Variants in NCAM2 observed in about 807,000 individuals in gnomAD.
NCAM2 encodes the protein neural cell adhesion molecule 2.
NCAM2 carries 30 observed loss-of-function variants against 98.1 expected under a neutral mutation model. That is an observed-to-expected ratio of 0.31 (90% confidence interval 0.23 to 0.41). The LOEUF is 0.41. NCAM2 is among the 10% of genes least tolerant of loss of function. The probability of loss-of-function intolerance (pLI) is 1.00; values close to 1 mark genes in which losing one functional copy is unlikely to be tolerated. For missense variants in NCAM2, 867 were observed against 1,005.8 expected, an observed-to-expected ratio of 0.86 and a Z score of 1.87; for synonymous variants, 368 against 342.4, an observed-to-expected ratio of 1.07 and a Z score of -0.83.
At chr21:21,141,439 A>T (rs528291169) in intron 1 of NCAM2, among the ~76,000 whole-genome samples, 3 of 152,198 alleles carry the variant, frequency 2.0e-5, no homozygotes, top group African/African-American at 7.2e-5. Flanking sequence ...TTTATAAAAA[A>T]TCCTCTTATC....
At chr21:21,533,735 A>G (rs977940626) in intron 16 of NCAM2, among the ~76,000 whole-genome samples, 1 of 150,118 alleles carries the variant, frequency 6.7e-6, no homozygotes, top group East Asian at 2.0e-4. Flanking sequence ...ACTCCTTGTC[A>G]TCACCAAATA....
chr21:21,515,265 T>G (rs1988646066), intron 16 of NCAM2, among the ~76,000 whole-genome samples: 1 of 152,180 alleles, frequency 6.6e-6, no homozygotes, highest in Non-Finnish European at 1.5e-5. Flanking sequence ...GATGGTGTTC[T>G]GCACGAGTCC....
Position 21,049,832 on chromosome 21 carries a change from T to C in NCAM2, c.55+51214T>C, listed in dbSNP as rs376261781. On this transcript the variant is annotated intron_variant, in intron 1 of 17. Transcript: ENST00000400546. ...GTTGCAGTGAGCCAAGATTGCGCCATTGCACTCCAGCCTGGGCAAAAAGAG... is the reference window on the plus strand; with the variant it reads ...GTTGCAGTGAGCCAAGATTGCGCCACTGCACTCCAGCCTGGGCAAAAAGAG... Among the ~76,000 whole-genome samples, 384 of 151,858 alleles carry C rather than the reference T, an allele frequency of 2.5e-3. 1 individual carries two copies. The highest frequency in any genetic ancestry group is 8.2e-3 in the African/African-American group (338 of 41,422).
chr21:21,004,374 A>C (rs917272683), intron 1 of NCAM2, among the ~76,000 whole-genome samples: 2 of 152,146 alleles, frequency 1.3e-5, no homozygotes, highest in African/African-American at 4.8e-5. Flanking sequence ...TGTTTTATGG[A>C]TGAAGAAATT....
chr21:21,368,693 G>T (rs1308621333), intron 8 of NCAM2, among the ~76,000 whole-genome samples: 1 of 151,700 alleles, frequency 6.6e-6, no homozygotes, highest in Non-Finnish European at 1.5e-5. Flanking sequence ...AATAACAAGG[G>T]CTTTACCATC....
chr21:21,193,663 T>C (rs2068903094), intron 1 of NCAM2, among the ~76,000 whole-genome samples: 1 of 152,004 alleles, frequency 6.6e-6, no homozygotes, highest in African/African-American at 2.4e-5. Flanking sequence ...GCTTGGCTAA[T>C]TTTTGTATTT....
intron 8 of NCAM2, among the ~76,000 whole-genome samples, chr21:21,355,220 G>A (rs985344942): frequency 4.5e-4 from 68 of 151,980 alleles, no homozygotes; most frequent in African/African-American, 1.5e-3. Context: ...GATCGCATGA[G>A]GCCAGGAGTT....
intron 9 of NCAM2, among the ~76,000 whole-genome samples, chr21:21,400,544 G>T (rs1276389261): frequency 1.3e-5 from 2 of 151,256 alleles, no homozygotes; most frequent in African/African-American, 4.9e-5. Flanking sequence ...CCCTCATGTA[G>T]TCTCTTTTTG....
intron 1 of NCAM2, among the ~76,000 whole-genome samples, chr21:21,087,307 A>G (rs558553666): frequency 3.7e-4 from 56 of 152,184 alleles, no homozygotes; most frequent in Admixed American, 1.4e-3. Flanking sequence ...ACTTTTGCCA[A>G]TTGAGATTGG....
intron 1 of NCAM2, among the ~76,000 whole-genome samples, chr21:21,220,235 C>T (rs2070089246): frequency 6.6e-6 from 1 of 152,150 alleles, no homozygotes; most frequent in South Asian, 2.1e-4. Context: ...CTCATTCATT[C>T]AGTCACCCTC....
chr21:21,530,379 T>C (rs1052141276), intron 16 of NCAM2, among the ~76,000 whole-genome samples: 1 of 147,174 alleles, frequency 6.8e-6, no homozygotes, highest in Non-Finnish European at 1.5e-5. Flanking sequence ...TTAAATTATA[T>C]ATAATTTTAT....
chr21:21,452,648 AAT>A (rs1199963542), intron 12 of NCAM2, among the ~76,000 whole-genome samples: 21 of 112,778 alleles, frequency 1.9e-4, no homozygotes, highest in East Asian at 4.8e-4. Flanking sequence ...ATTATATATA[AAT>A]ATATATATTA....
chr21:21,452,644 TATAA>T lies in NCAM2; in HGVS notation c.1655-13958_1655-13955del, dbSNP rs1264840280. 2.7e-5 allele frequency among the ~76,000 whole-genome samples: 3 copies of T among 111,676 alleles called. No individual in the cohort carries two copies. In the East Asian group the frequency reaches 7.3e-4, roughly 27 times the overall value. The allele number at this position is 111,676 out of a possible 152,430, so 73.3% of individuals were successfully genotyped here. A position where few individuals can be genotyped will look rare whatever the true frequency, so the allele number is the denominator to read the frequency against. On this transcript the variant is annotated intron_variant, in intron 12 of 17. Transcript: ENST00000400546. ...TATATACAATATATTATATATTATA[TATAA>T]ATATATATATTATATATATTTAATA...
intron 15 of NCAM2, among the ~76,000 whole-genome samples, chr21:21,486,451 T>G (rs970152040): frequency 7.9e-5 from 12 of 152,302 alleles, no homozygotes; most frequent in African/African-American, 2.6e-4. Context: ...ATATTCCGTT[T>G]ATTAAATAAC....
In NCAM2 at chr21:21,008,024, G is replaced by T. The variant is rs116238943; in HGVS notation, c.55+9406G>T. On this transcript the variant is annotated intron_variant, in intron 1 of 17. Coordinates refer to ENST00000400546, the MANE Select transcript of NCAM2 (RefSeq NM_004540.5). ...TTCTCTACTAATCACTGCCTGAAGA[G>T]AGCAGTTGAGTTTCTATGTTCTAGC... 9.8e-3 allele frequency among the ~76,000 whole-genome samples: 1,499 copies of T among 152,192 alleles called. 22 individuals carry two copies. The highest frequency in any genetic ancestry group is 0.034 in the African/African-American group (1,402 of 41,514).
At position 21,468,646 on chromosome 21, in the gene NCAM2, T is replaced by C. The variant is rs1188220520; in HGVS notation, c.1775-16T>C. 1 of 1,600,692 alleles carries C rather than the reference T, an allele frequency of 6.2e-7. No individual in the cohort carries two copies. The highest frequency in any genetic ancestry group is 2.2e-5 in the East Asian group (1 of 44,612). On this transcript the variant is annotated splice_polypyrimidine_tract_variant and intron_variant, in intron 13 of 17. Transcript: ENST00000400546. ...GAAATGTGTGCAAATGAAGAAATGT[T>C]GTATTGTATATCTAGGTGAACCAAG...
At chr21:21,526,639 C>T (rs1442461432) in intron 16 of NCAM2, among the ~76,000 whole-genome samples, 1 of 151,996 alleles carries the variant, frequency 6.6e-6, no homozygotes, top group Non-Finnish European at 1.5e-5. Flanking sequence ...AAGTTTATTA[C>T]ATAGAGAGGC....
intron 1 of NCAM2, among the ~76,000 whole-genome samples, chr21:21,020,402 C>G (rs1334523687): frequency 6.6e-6 from 1 of 152,206 alleles, no homozygotes; most frequent in East Asian, 1.9e-4. Context: ...TCTTCCCTGA[C>G]ATTACTCGAA....
chr21:21,334,484 T>C (rs1052527462), intron 6 of NCAM2, among the ~76,000 whole-genome samples: 2 of 152,146 alleles, frequency 1.3e-5, no homozygotes, highest in Non-Finnish European at 2.9e-5. Flanking sequence ...GTTTTAATAA[T>C]ATTTATAGAG....
Sources: gnomAD v4.1 joint callset for allele counts (sites outside exome capture counted in the v4.1 genomes callset) on GRCh38, gnomAD v4.1.1 for gene constraint, MANE v1.5 for transcripts, NCBI Gene and HGNC (gene_info 2026-07-23, HGNC 2026-07-21) for gene names.